The following NRG1 variants were observed in gnomAD, a reference collection of about 807,000 sequenced individuals.
NRG1 encodes the protein neuregulin 1.
NRG1 carries 18 observed loss-of-function variants against 63.8 expected under a neutral mutation model. That is an observed-to-expected ratio of 0.28 (90% CI 0.19 to 0.42). The LOEUF (loss-of-function observed/expected upper bound fraction) is 0.42. NRG1 is among the 10% of genes least tolerant of loss of function. NRG1 has a pLI of 1.00. For missense variants in NRG1, 762 were observed against 814.7 expected, an observed-to-expected ratio of 0.94 and a Z score of 0.79; for synonymous variants, 302 against 301.3, an observed-to-expected ratio of 1.00 and a Z score of -0.02.
In NRG1 at chr8:31,751,154, G is replaced by A. The variant is rs891786693; in HGVS notation, c.37+111723G>A. Among the ~76,000 whole-genome samples, 4 of 152,052 alleles carry A rather than the reference G, an allele frequency of 2.6e-5. No homozygotes were observed. The East Asian group carries it at 7.8e-4, about 30-fold the overall frequency. ...TGCAGGAGAGGAGGAAATAATATTC[G>A]TTGACTGTTTACTATTGGCAAGACA... On this transcript the variant is annotated intron_variant, in intron 1 of 10. Coordinates refer to the NRG1 transcript ENST00000519301.
At position 31,640,364 on chromosome 8, in the gene NRG1, C is replaced by A. The variant is rs986700905; in HGVS notation, c.37+933C>A. ...GCCGCGGGCCCACGGGCGCTGGGGC[C>A]GCCCGCCGAGGAGCCGCTGCTCGCC... On this transcript the variant is annotated intron_variant, in intron 1 of 10. Transcript: ENST00000519301. This position sits in a 1 kb window ranked among gnomAD's most constrained non-coding sequence, Gnocchi z 6.3. The A allele has an allele frequency of 1.2e-5, 15 of 1,250,872 alleles. No homozygotes were observed. Among genetic ancestry groups the A allele is most frequent in the African/African-American group, 1.6e-5 (1 of 63,840 alleles). The allele number at this position is 1,250,872 out of a possible 1,614,324, so 77.5% of individuals were successfully genotyped here.
At chr8:32,409,886 T>C (rs565086922) in intron 1 of NRG1, among the ~76,000 whole-genome samples, 5 of 152,320 alleles carry the variant, frequency 3.3e-5, no homozygotes, top group Non-Finnish European at 7.3e-5. Context: ...GCAACCTTGC[T>C]GATGGATTTC....
At chr8:31,851,924 C>A (rs1413972068) in intron 1 of NRG1, among the ~76,000 whole-genome samples, 2 of 151,256 alleles carry the variant, frequency 1.3e-5, no homozygotes, top group African/African-American at 4.9e-5. Context: ...CATGTCCCTA[C>A]AAAGGACATG....
intron 5 of NRG1, among the ~76,000 whole-genome samples, chr8:32,698,286 T>G (rs1813902808): frequency 6.6e-6 from 1 of 152,030 alleles, no homozygotes; most frequent in Non-Finnish European, 1.5e-5. Flanking sequence ...GAATTGCCTC[T>G]TTTCTGTCGC....
chr8:31,972,793 G>A (rs1807521235), intron 1 of NRG1, among the ~76,000 whole-genome samples: 1 of 152,142 alleles, frequency 6.6e-6, no homozygotes, highest in Non-Finnish European at 1.5e-5. Flanking sequence ...ATAACAGTGT[G>A]ATTCTACAGG....
chr8:32,152,103 TC>T (rs2131833930), intron 1 of NRG1, among the ~76,000 whole-genome samples: 1 of 152,362 alleles, frequency 6.6e-6, no homozygotes, highest in Admixed American at 6.5e-5. Context: ...GCCTTAGCAA[TC>T]TTAAGTGTGC....
intron 5 of NRG1, among the ~76,000 whole-genome samples, chr8:32,668,854 C>G (rs1177301553): frequency 6.6e-6 from 1 of 152,074 alleles, no homozygotes; most frequent in African/African-American, 2.4e-5. Flanking sequence ...CGGTATGGGC[C>G]TAACTTCTGC....
At chr8:31,918,166 C>T (rs1833575805) in intron 1 of NRG1, among the ~76,000 whole-genome samples, 1 of 152,148 alleles carries the variant, frequency 6.6e-6, no homozygotes, top group South Asian at 2.1e-4. Context: ...AATTTGACTT[C>T]CTCTTTTCCT....
rs145479448 is a variant in NRG1, at chr8:32,459,549, A to T, written c.38-136279A>T. Among the ~76,000 whole-genome samples, 748 of 151,140 alleles carry T rather than the reference A, an allele frequency of 4.9e-3. 4 individuals are homozygous for T. Among genetic ancestry groups the T allele is most frequent in the Non-Finnish European group, 7.5e-3 (512 of 67,832 alleles). On this transcript the variant is annotated intron_variant, in intron 1 of 10. Coordinates refer to the NRG1 transcript ENST00000519301. ...TACTCCAGGAGGCTGAGGTGGGAGG[A>T]TTGCTGGGAGTTCAAGACCAGTCTG...
At chr8:31,991,255 A>C (rs1811015218) in intron 1 of NRG1, among the ~76,000 whole-genome samples, 1 of 151,894 alleles carries the variant, frequency 6.6e-6, no homozygotes, top group Non-Finnish European at 1.5e-5. Flanking sequence ...TCATAGATGA[A>C]AACAGTTTTC....
intron 1 of NRG1, among the ~76,000 whole-genome samples, chr8:32,375,980 G>T (rs1424742248): frequency 1.3e-5 from 2 of 152,112 alleles, no homozygotes; most frequent in Non-Finnish European, 2.9e-5. Context: ...TTATTTTCAA[G>T]AATAAAATAT....
intron 1 of NRG1, among the ~76,000 whole-genome samples, chr8:32,541,574 T>C (rs1403961631): frequency 6.6e-6 from 1 of 151,826 alleles, no homozygotes; most frequent in Non-Finnish European, 1.5e-5. Context: ...TACTAATTCA[T>C]CACTCATGAC....
At chr8:32,272,636 A>G (rs1183841901) in intron 1 of NRG1, among the ~76,000 whole-genome samples, 1 of 152,142 alleles carries the variant, frequency 6.6e-6, no homozygotes, top group African/African-American at 2.4e-5. Context: ...ATTGAGAGGG[A>G]ATCTGGGTTG....
chr8:31,902,123 A>C (rs776383), intron 1 of NRG1, among the ~76,000 whole-genome samples: 78,817 of 151,934 alleles, frequency 0.52, 21,133 homozygotes, highest in East Asian at 0.75. Context: ...CTACCCTATT[A>C]CACCACTACT....
At chr8:31,861,391 A>G (rs1828458272) in intron 1 of NRG1, among the ~76,000 whole-genome samples, 1 of 152,142 alleles carries the variant, frequency 6.6e-6, no homozygotes, top group Non-Finnish European at 1.5e-5. Context: ...GCAGTGTTCA[A>G]AATCTATTAC....
At chr8:32,517,026 C>A (rs1829887263) in intron 1 of NRG1, among the ~76,000 whole-genome samples, 1 of 151,980 alleles carries the variant, frequency 6.6e-6, no homozygotes, top group African/African-American at 2.4e-5. Context: ...TTAAGAAATT[C>A]TATAAGTAAA....
intron 1 of NRG1, among the ~76,000 whole-genome samples, chr8:32,318,191 G>A (rs2129476505): frequency 6.6e-6 from 1 of 152,284 alleles, no homozygotes; most frequent in South Asian, 2.1e-4. Context: ...AGACAGAGAT[G>A]TTATCTGTCT....
At chr8:32,580,636 A>G (rs1840468915) in intron 1 of NRG1, among the ~76,000 whole-genome samples, 1 of 152,192 alleles carries the variant, frequency 6.6e-6, no homozygotes, top group Non-Finnish European at 1.5e-5. Context: ...TCAAACAACT[A>G]GCATATGGGA....
At chr8:32,357,371 T>C (rs1295277159) in intron 1 of NRG1, among the ~76,000 whole-genome samples, 3 of 152,190 alleles carry the variant, frequency 2.0e-5, no homozygotes, top group African/African-American at 7.2e-5. Context: ...GAAGATAACG[T>C]TAGCAGACAA....
Sources: gnomAD v4.1 joint callset for allele counts (sites outside exome capture counted in the v4.1 genomes callset) on GRCh38, gnomAD v4.1.1 for gene constraint, Gnocchi (gnomAD v3.1) non-coding constraint, MANE v1.5 for transcripts, NCBI Gene and HGNC (gene_info 2026-07-23, HGNC 2026-07-21) for gene names.